The following EXOC6B variants were observed in gnomAD, a reference collection of about 807,000 sequenced individuals.
The protein encoded by EXOC6B is exocyst complex component 6B.
In EXOC6B, 54 loss-of-function variants were observed where a neutral mutation model predicts 113.5. The observed-to-expected ratio is 0.48, with a 90% CI of 0.38 to 0.60. The LOEUF is 0.60. Ranked by LOEUF, EXOC6B falls within the 20% of genes least tolerant of loss-of-function variation. EXOC6B has a pLI of 0.00. For synonymous variants in EXOC6B, 357 were observed against 339.0 expected, an observed-to-expected ratio of 1.05 and a Z score of -0.58; for missense variants, 797 against 977.5, an observed-to-expected ratio of 0.82 and a Z score of 2.46.
At chr2:72,569,199 T>C (rs1704376248) in intron 7 of EXOC6B, among the ~76,000 whole-genome samples, 1 of 152,122 alleles carries the variant, frequency 6.6e-6, no homozygotes, top group African/African-American at 2.4e-5. Flanking sequence ...GAAGTTAAAA[T>C]TCAAAGCCTA....
chr2:72,669,951 G>A (rs1675675758), intron 6 of EXOC6B, among the ~76,000 whole-genome samples: 1 of 152,178 alleles, frequency 6.6e-6, no homozygotes, highest in Admixed American at 6.5e-5. Flanking sequence ...CATGAAATAT[G>A]TTTTGCACAG....
rs1240099926 is a variant in EXOC6B, at chr2:72,660,271, T to C, written c.669+57832A>G. Reference sequence around the variant, plus strand: ...GAACAAAAAATACTTATTGTACATATTTCTAGTGACATCTGTAGAAGAGTA... The same window carrying C: ...GAACAAAAAATACTTATTGTACATACTTCTAGTGACATCTGTAGAAGAGTA... On this transcript the variant is annotated intron_variant, in intron 6 of 21. Coordinates refer to ENST00000272427, the MANE Select transcript of EXOC6B (RefSeq NM_015189.3). Among the ~76,000 whole-genome samples the C allele has an allele frequency of 2.0e-5, 3 of 152,182 alleles. No individual in the cohort carries two copies. In the South Asian group the frequency reaches 6.2e-4, roughly 32 times the overall value.
At chr2:72,684,465 T>C (rs1676941780) in intron 6 of EXOC6B, among the ~76,000 whole-genome samples, 1 of 152,210 alleles carries the variant, frequency 6.6e-6, no homozygotes. Context: ...ATTCCACTGC[T>C]AGGTATATTT....
intron 13 of EXOC6B, among the ~76,000 whole-genome samples, chr2:72,497,848 T>C (rs1700117190): frequency 6.6e-6 from 1 of 152,156 alleles, no homozygotes; most frequent in African/African-American, 2.4e-5. Flanking sequence ...CTGGATTATG[T>C]GCCAAGAGCA....
intron 1 of EXOC6B, among the ~76,000 whole-genome samples, chr2:72,794,157 A>G (rs1684825077): frequency 6.6e-6 from 1 of 152,246 alleles, no homozygotes; most frequent in South Asian, 2.1e-4. Flanking sequence ...CCCTTGTAGA[A>G]GCAGCTCAAT....
rs755581083 is a variant in EXOC6B, at chr2:72,622,231, C to CAAAA, written c.670-46567_670-46564dup. ...AACATTTTAAAAAACTGATGAAGTA[C>CAAAA]AAAAAAAAAAAACTCTTCTCAGCCC... On this transcript the variant is annotated intron_variant, in intron 6 of 21. Transcript: ENST00000272427. 2.5e-3 allele frequency among the ~76,000 whole-genome samples: 326 copies of CAAAA among 129,366 alleles called. 1 individual carries two copies. Among genetic ancestry groups the CAAAA allele is most frequent in the Non-Finnish European group, 4.3e-3 (257 of 59,666 alleles). 84.9% of individuals were successfully genotyped at this position (129,366 alleles called of 152,430 possible).
At chr2:72,807,492 T>C (rs1022981867) in intron 1 of EXOC6B, among the ~76,000 whole-genome samples, 1 of 152,182 alleles carries the variant, frequency 6.6e-6, no homozygotes, top group African/African-American at 2.4e-5. Flanking sequence ...TAGGTATGCT[T>C]TTGCTATTCA....
At chr2:72,680,697 C>A (rs368413349) in intron 6 of EXOC6B, among the ~76,000 whole-genome samples, 6 of 151,228 alleles carry the variant, frequency 4.0e-5, no homozygotes, top group South Asian at 4.2e-4. Flanking sequence ...TGAGATCTTG[C>A]GACTGCACTA....
chr2:72,255,009 C>A (rs1683268731), intron 20 of EXOC6B, among the ~76,000 whole-genome samples: 1 of 152,060 alleles, frequency 6.6e-6, no homozygotes, highest in Admixed American at 6.5e-5. Flanking sequence ...GCAAAGGATG[C>A]CAAAATTAGG....
At chr2:72,726,952 T>C (rs1186328512) in intron 5 of EXOC6B, among the ~76,000 whole-genome samples, 2 of 152,184 alleles carry the variant, frequency 1.3e-5, no homozygotes, top group African/African-American at 4.8e-5. Flanking sequence ...GTATTAGGTA[T>C]TCTAAGTAAT....
At chr2:72,820,475 A>C (rs954523189) in intron 1 of EXOC6B, among the ~76,000 whole-genome samples, 2 of 152,162 alleles carry the variant, frequency 1.3e-5, no homozygotes, top group Admixed American at 6.5e-5. Flanking sequence ...TCAGTCCCTA[A>C]AGTTATTTAC....
intron 18 of EXOC6B, among the ~76,000 whole-genome samples, chr2:72,440,149 A>G (rs1696114950): frequency 6.6e-6 from 1 of 152,202 alleles, no homozygotes. Context: ...CCTAGTCAGC[A>G]GAAATAGGAT....
chr2:72,330,075 G>C (rs1688342355), intron 20 of EXOC6B, among the ~76,000 whole-genome samples: 1 of 152,004 alleles, frequency 6.6e-6, no homozygotes, highest in African/African-American at 2.4e-5. Context: ...TCACAACCTA[G>C]TTCATTCAGC....
chr2:72,268,910 G>T (rs757259980), intron 20 of EXOC6B, among the ~76,000 whole-genome samples: 1 of 152,100 alleles, frequency 6.6e-6, no homozygotes, highest in Non-Finnish European at 1.5e-5. Flanking sequence ...ACAGAACAAT[G>T]AACCAATTAA....
chr2:72,655,900 AT>A (rs2104424294), intron 6 of EXOC6B, among the ~76,000 whole-genome samples: 1 of 152,244 alleles, frequency 6.6e-6, no homozygotes, highest in African/African-American at 2.4e-5. Flanking sequence ...CCTAAAGAAG[AT>A]CAGAATAAAT....
intron 20 of EXOC6B, among the ~76,000 whole-genome samples, chr2:72,277,368 C>T (rs893610412): frequency 6.6e-6 from 1 of 152,132 alleles, no homozygotes; most frequent in Non-Finnish European, 1.5e-5. Flanking sequence ...TCCATTCCCC[C>T]AACTTCTACC....
At chr2:72,246,507 ATTTT>A in intron 20 of EXOC6B, among the ~76,000 whole-genome samples, 1 of 137,056 alleles carries the variant, frequency 7.3e-6, no homozygotes, top group Admixed American at 7.4e-5. Context: ...TAACTAATTG[ATTTT>A]TTTTTTTTTT....
chr2:72,582,352 TA>T (rs955245975), intron 6 of EXOC6B, among the ~76,000 whole-genome samples: 1 of 150,978 alleles, frequency 6.6e-6, no homozygotes, highest in Non-Finnish European at 1.5e-5. Flanking sequence ...TCTCTAACCA[TA>T]AAAAAACAAA....
intron 6 of EXOC6B, among the ~76,000 whole-genome samples, chr2:72,647,999 C>T (rs10197127): frequency 6.6e-6 from 1 of 152,138 alleles, no homozygotes; most frequent in Non-Finnish European, 1.5e-5. Flanking sequence ...AGGAAACCTA[C>T]AGAATGGGAG....
Sources: allele counts gnomAD v4.1 joint callset (sites outside exome capture counted in the v4.1 genomes callset), GRCh38; gene constraint gnomAD v4.1.1; transcripts MANE v1.5; gene names NCBI Gene and HGNC (gene_info 2026-07-23, HGNC 2026-07-21).